CTNNA3: variants seen among roughly 807,000 people sequenced by gnomAD.
CTNNA3 encodes catenin alpha 3.
CTNNA3 carries 76 observed loss-of-function variants against 95.7 expected under a neutral mutation model. The observed-to-expected ratio is 0.79, with a 90% CI of 0.66 to 0.96. CTNNA3 has a LOEUF of 0.96. CTNNA3 is among the 40% of genes least tolerant of loss of function. The pLI, the probability that CTNNA3 is intolerant of heterozygous loss-of-function variation, is 0.00. For missense variants in CTNNA3, 1,191 were observed against 1,089.8 expected (o/e 1.09, Z -1.31); for synonymous variants, 431 against 374.4 (o/e 1.15, Z -1.74).
At chr10:66,192,252 A>C (rs2086717446) in intron 13 of CTNNA3, among the ~76,000 whole-genome samples, 1 of 152,154 alleles carries the variant, frequency 6.6e-6, no homozygotes, top group Non-Finnish European at 1.5e-5. Flanking sequence ...TACACCCTAC[A>C]CATACATGCA....
intron 7 of CTNNA3, among the ~76,000 whole-genome samples, chr10:66,899,331 C>A (rs1194151218): frequency 1.3e-5 from 2 of 152,142 alleles, no homozygotes; most frequent in Admixed American, 1.3e-4. Flanking sequence ...ACAGAATTAC[C>A]ACATGACCAA....
intron 11 of CTNNA3, among the ~76,000 whole-genome samples, chr10:66,390,076 A>G (rs2092924096): frequency 6.6e-6 from 1 of 152,196 alleles, no homozygotes; most frequent in African/African-American, 2.4e-5. Context: ...GGTCAAATCT[A>G]TTGCCCCAGG....
At chr10:66,299,166 A>G (rs1349865976) in intron 12 of CTNNA3, among the ~76,000 whole-genome samples, 1 of 152,094 alleles carries the variant, frequency 6.6e-6, no homozygotes, top group Non-Finnish European at 1.5e-5. Context: ...ATGCTGATTG[A>G]TGTCTCGTAT....
intron 5 of CTNNA3, among the ~76,000 whole-genome samples, chr10:67,447,196 T>A (rs1171892253): frequency 6.6e-6 from 1 of 152,242 alleles, no homozygotes; most frequent in Non-Finnish European, 1.5e-5. Context: ...AATTACCAGG[T>A]GAATCTAGCG....
At chr10:66,641,425 T>G (rs1845513323) in intron 9 of CTNNA3, among the ~76,000 whole-genome samples, 3 of 152,078 alleles carry the variant, frequency 2.0e-5, no homozygotes, top group Non-Finnish European at 4.4e-5. Context: ...TGAATCTGGG[T>G]AAGGGCTTGT....
chr10:67,113,037 C>A (rs951502080), intron 7 of CTNNA3, among the ~76,000 whole-genome samples: 1 of 152,128 alleles, frequency 6.6e-6, no homozygotes, highest in Admixed American at 6.6e-5. Flanking sequence ...GGGTTACATT[C>A]GCTATCATGG....
intron 5 of CTNNA3, among the ~76,000 whole-genome samples, chr10:67,346,973 C>T (rs770937722): frequency 6.6e-6 from 1 of 152,040 alleles, no homozygotes; most frequent in Non-Finnish European, 1.5e-5. Flanking sequence ...GTCAGAATCA[C>T]TCTAATGAGT....
intron 5 of CTNNA3, among the ~76,000 whole-genome samples, chr10:67,277,975 G>T (rs1235019216): frequency 1.3e-5 from 2 of 152,114 alleles, no homozygotes; most frequent in South Asian, 2.1e-4. Context: ...CCAAGATGCT[G>T]CCCTGCCTAT....
intron 6 of CTNNA3, among the ~76,000 whole-genome samples, chr10:67,203,878 G>A (rs766795553): frequency 2.4e-4 from 36 of 152,044 alleles, no homozygotes; most frequent in Middle Eastern, 3.2e-3. Flanking sequence ...ACTGTAATAC[G>A]GTATTAATGA....
chr10:66,295,111 A>T (rs2091756169), intron 12 of CTNNA3, among the ~76,000 whole-genome samples: 1 of 152,358 alleles, frequency 6.6e-6, no homozygotes, highest in African/African-American at 2.4e-5. Context: ...GTCATGTTAC[A>T]GGAATACCTG....
intron 11 of CTNNA3, among the ~76,000 whole-genome samples, chr10:66,438,180 G>T (rs181028374): frequency 2.6e-5 from 4 of 152,172 alleles, no homozygotes; most frequent in Non-Finnish European, 5.9e-5. Context: ...CGGGTTCAGG[G>T]ACCCACTTGA....
intron 11 of CTNNA3, among the ~76,000 whole-genome samples, chr10:66,404,221 C>A (rs555408240): frequency 9.9e-5 from 15 of 152,214 alleles, no homozygotes; most frequent in African/African-American, 3.6e-4. Flanking sequence ...CTCAACCAAT[C>A]AGTAGCACCC....
intron 11 of CTNNA3, among the ~76,000 whole-genome samples, chr10:66,502,513 A>G (rs957388913): frequency 2.0e-5 from 3 of 152,156 alleles, no homozygotes; most frequent in Non-Finnish European, 4.4e-5. Flanking sequence ...CTGAAGTCCT[A>G]TATGAACTCT....
intron 13 of CTNNA3, among the ~76,000 whole-genome samples, chr10:66,238,591 G>T (rs1447757950): frequency 1.3e-5 from 2 of 151,820 alleles, no homozygotes; most frequent in African/African-American, 4.8e-5. Context: ...AATAATGAGG[G>T]TATGGGTGGC....
intron 7 of CTNNA3, among the ~76,000 whole-genome samples, chr10:67,047,047 C>T (rs966322272): frequency 6.6e-6 from 1 of 152,184 alleles, no homozygotes; most frequent in African/African-American, 2.4e-5. Flanking sequence ...GGAGCACTGC[C>T]TGTATCTGAT....
intron 10 of CTNNA3, 115 bp from the exon 11 acceptor site, chr10:66,520,888 C>G: frequency 2.1e-6 from 1 of 466,504 alleles, no homozygotes; most frequent in Admixed American, 4.0e-5. Context: ...TGTAAGAAAT[C>G]TGCACTTATA....
Position 67,521,932 on chromosome 10 carries a change from A to G in CTNNA3, c.489T>C (p.Asn163=), listed in dbSNP as rs2133159494. The G allele has an allele frequency of 3.1e-6, 5 of 1,613,358 alleles. No individual in the cohort carries two copies. The highest frequency in any genetic ancestry group is 4.2e-6 in the Non-Finnish European group (5 of 1,179,424). The change falls in exon 5 of 18, where the codon AAT becomes AAC. Residue 163 remains asparagine, a synonymous_variant. Transcript: ENST00000433211. ...AFQRTFESLK[N]VANKSDLQKT... ...TCTGGAGGTCAGATTTGTTGGCAAC[A>G]TTTTTGAGAGACTCAAATGTCCTTT... is the stretch of plus-strand genomic sequence containing the variant.
intron 13 of CTNNA3, among the ~76,000 whole-genome samples, chr10:66,204,994 A>G (rs565904076): frequency 6.6e-6 from 1 of 152,312 alleles, no homozygotes; most frequent in South Asian, 2.1e-4. Context: ...AAAGAAAGTA[A>G]TAAATTTTGA....
At chr10:66,543,042 C>T (rs71493981) in intron 10 of CTNNA3, among the ~76,000 whole-genome samples, 4,281 of 151,714 alleles carry the variant, frequency 0.028, 243 homozygotes, top group East Asian at 0.23. Context: ...AAATAAACAC[C>T]ATATAGTAAA....
Sources: allele counts gnomAD v4.1 joint callset (sites outside exome capture counted in the v4.1 genomes callset), GRCh38; gene constraint gnomAD v4.1.1; transcripts MANE v1.5; gene names NCBI Gene and HGNC (gene_info 2026-07-23, HGNC 2026-07-21).